MYT1L: variants seen among roughly 807,000 people sequenced by gnomAD.
The protein encoded by MYT1L is myelin transcription factor 1 like.
In MYT1L, 12 loss-of-function variants were observed where a neutral mutation model predicts 126.7. That is an observed-to-expected ratio of 0.09 (90% CI 0.06 to 0.15). The LOEUF (loss-of-function observed/expected upper bound fraction) is 0.15, where lower values mean the gene tolerates loss of function less well. Among genes scored for constraint, MYT1L ranks in the 10% least tolerant of loss-of-function variants. MYT1L has a pLI of 1.00. For synonymous variants in MYT1L, 541 were observed against 604.2 expected, an observed-to-expected ratio of 0.90 and a Z score of 1.53; for missense variants, 979 against 1,585.2, an observed-to-expected ratio of 0.62 and a Z score of 6.49.
At chr2:2,095,217 A>T (rs1575125952) in intron 3 of MYT1L, among the ~76,000 whole-genome samples, 1 of 152,176 alleles carries the variant, frequency 6.6e-6, no homozygotes, top group African/African-American at 2.4e-5. Flanking sequence ...GTCCCTGGGG[A>T]AAAGGGGCTT....
intron 4 of MYT1L, among the ~76,000 whole-genome samples, chr2:2,002,190 G>GA (rs1483278144): frequency 5.3e-5 from 8 of 152,262 alleles, no homozygotes; most frequent in Admixed American, 1.3e-4. Flanking sequence ...CACAGTTGGA[G>GA]AAACACCGGT....
Position 1,979,534 on chromosome 2 carries a change from G to C in MYT1L, c.76C>G (p.Gln26Glu). The change falls in exon 7 of 25, where the codon CAA becomes GAA. Residue 26 changes from glutamine to glutamate, a missense_variant. Around this residue, in one of 12 missense-constraint regions of MYT1L, gnomAD observed 50 missense variants for 48.6 expected, o/e 1.03. Transcript: ENST00000647738. This position sits in a 1 kb window ranked among gnomAD's most constrained non-coding sequence, Gnocchi z 4.0. ...CATGGCACTAACCTGAACAGCTCTT[G>C]TATGGCTGGTTCCACGGGAACTGCA... The part of the protein sequence containing the change: ...GVRVPVEPAI[Q>E]ELFSCPTPGC... 6.2e-7 allele frequency: 1 copy of C among 1,613,844 alleles called. No individual in the cohort carries two copies. Among genetic ancestry groups the C allele is most frequent in the Non-Finnish European group, 8.5e-7 (1 of 1,179,722 alleles).
rs138469710 is a variant in MYT1L at position 2,179,823 on chromosome 2, T to C, written c.-420-6835A>G. ...TTGTCCTCTCCATGTTCCTCAAATA[T>C]AAACTATACTTCCTCACTTTGGTTC... On this transcript the variant is annotated intron_variant, in intron 2 of 24. Transcript: ENST00000647738. 3.8e-3 allele frequency among the ~76,000 whole-genome samples: 577 copies of C among 152,326 alleles called. 1 individual carries two copies. The highest frequency in any genetic ancestry group is 0.013 in the African/African-American group (548 of 41,554).
chr2:2,234,709 A>G (rs966473404), intron 2 of MYT1L, among the ~76,000 whole-genome samples: 9 of 152,214 alleles, frequency 5.9e-5, no homozygotes, highest in Middle Eastern at 6.3e-3. Context: ...CCTGACTTGA[A>G]TTACTGAGTA....
At chr2:2,002,499 G>A (rs947592699) in intron 4 of MYT1L, among the ~76,000 whole-genome samples, 5 of 152,210 alleles carry the variant, frequency 3.3e-5, no homozygotes, top group African/African-American at 9.7e-5. Context: ...TCAGGCCACT[G>A]TTGTGCTCCA....
At chr2:2,186,351 C>T (rs1639298953) in intron 2 of MYT1L, among the ~76,000 whole-genome samples, 2 of 152,356 alleles carry the variant, frequency 1.3e-5, no homozygotes, top group East Asian at 1.9e-4. Flanking sequence ...GCAGCCGGGC[C>T]TTCCCGAGTC....
intron 8 of MYT1L, among the ~76,000 whole-genome samples, chr2:1,975,053 CAG>C (rs1010850926): frequency 4.6e-5 from 7 of 152,028 alleles, no homozygotes; most frequent in Non-Finnish European, 8.8e-5. Flanking sequence ...AAATTTTAAC[CAG>C]AGTTTTAAAT....
At chr2:1,931,458 C>T (rs1172230468) in intron 9 of MYT1L, among the ~76,000 whole-genome samples, 1 of 151,578 alleles carries the variant, frequency 6.6e-6, no homozygotes, top group Non-Finnish European at 1.5e-5. Flanking sequence ...CTTGCAAGTA[C>T]TTCCTCCACC....
intron 2 of MYT1L, among the ~76,000 whole-genome samples, chr2:2,282,088 T>C (rs1251314738): frequency 6.6e-6 from 1 of 152,234 alleles, no homozygotes; most frequent in Non-Finnish European, 1.5e-5. Context: ...TGAGATCTTA[T>C]TTTTAAAGTA....
At chr2:1,930,957 T>C (rs2054885023) in intron 9 of MYT1L, among the ~76,000 whole-genome samples, 1 of 152,228 alleles carries the variant, frequency 6.6e-6, no homozygotes, top group Admixed American at 6.5e-5. Flanking sequence ...CCGCACTGCA[T>C]ACACTGACTA....
rs149509534 is a variant in MYT1L, at chr2:2,027,048, C to T, written c.-158+26930G>A. ...ATCGGATCGCTCCACCTGGACCCCT[C>T]GCCACCTCCAGCAAAAGGGGAGAGG... On this transcript the variant is annotated intron_variant, in intron 4 of 24. Transcript: ENST00000647738. Among the ~76,000 whole-genome samples, 1,247 of 152,250 alleles carry T rather than the reference C, an allele frequency of 8.2e-3. 23 individuals are homozygous for T. The highest frequency in any genetic ancestry group is 0.028 in the African/African-American group (1,159 of 41,540).
intron 4 of MYT1L, among the ~76,000 whole-genome samples, chr2:2,000,460 G>C (rs2062255981): frequency 6.6e-6 from 1 of 152,158 alleles, no homozygotes; most frequent in Admixed American, 6.5e-5. Flanking sequence ...TTCACAAGTG[G>C]CCATCTCCAG....
intron 2 of MYT1L, among the ~76,000 whole-genome samples, chr2:2,217,720 G>A (rs79779905): frequency 0.1 from 11,532 of 110,068 alleles, 964 homozygotes; most frequent in Non-Finnish European, 0.12. Context: ...AAAAAAAAAA[G>A]AAAGAAGGAA....
intron 2 of MYT1L, among the ~76,000 whole-genome samples, chr2:2,236,808 C>A: frequency 1.5e-4 from 1 of 6,576 alleles, no homozygotes; most frequent in African/African-American, 1.1e-3. Context: ...TCTTCTTCTT[C>A]TTCTTCTTTT....
At chr2:2,050,233 C>T (rs2150076813) in intron 4 of MYT1L, among the ~76,000 whole-genome samples, 1 of 152,226 alleles carries the variant, frequency 6.6e-6, no homozygotes, top group East Asian at 1.9e-4. Context: ...TTCAGGACTA[C>T]CTGATGACAT....
chr2:2,261,193 A>G (rs2094957618), intron 2 of MYT1L, among the ~76,000 whole-genome samples: 1 of 151,982 alleles, frequency 6.6e-6, no homozygotes, highest in Non-Finnish European at 1.5e-5. Flanking sequence ...TGTGTCTACA[A>G]TAGAATCTCC....
intron 1 of MYT1L, among the ~76,000 whole-genome samples, chr2:2,288,862 T>A (rs146545867): frequency 2.1e-3 from 324 of 152,324 alleles, no homozygotes; most frequent in Non-Finnish European, 3.5e-3. Context: ...CCCATTCAAT[T>A]CAGTCTCAGG....
intron 3 of MYT1L, among the ~76,000 whole-genome samples, chr2:2,094,313 T>C (rs964047701): frequency 6.6e-6 from 1 of 152,200 alleles, no homozygotes; most frequent in African/African-American, 2.4e-5. Flanking sequence ...ACTTTTACAT[T>C]GTTGGTGGGA....
At chr2:2,225,009 C>T (rs766818127) in intron 2 of MYT1L, among the ~76,000 whole-genome samples, 100 of 151,956 alleles carry the variant, frequency 6.6e-4, no homozygotes, top group Non-Finnish European at 1.1e-3. Flanking sequence ...AAAAACAGGC[C>T]GTGGGTTTTT....
Sources: allele counts gnomAD v4.1 joint callset (sites outside exome capture counted in the v4.1 genomes callset), GRCh38; gene constraint gnomAD v4.1.1; regional missense constraint gnomAD v4.1.1; non-coding constraint Gnocchi (gnomAD v3.1); transcripts MANE v1.5; gene names NCBI Gene and HGNC (gene_info 2026-07-23, HGNC 2026-07-21).